The following CLVS1 variants were observed in gnomAD, a reference collection of about 807,000 sequenced individuals.
The protein encoded by CLVS1 is clavesin 1.
In CLVS1, 10 loss-of-function variants were observed where a neutral mutation model predicts 33.1. The ratio of observed to expected loss-of-function variants is 0.30; its 90% CI spans 0.19 to 0.51. The LOEUF is 0.51. Ranked by LOEUF, CLVS1 falls within the 20% of genes least tolerant of loss-of-function variation. The pLI, the probability that CLVS1 is intolerant of heterozygous loss-of-function variation, is 0.97. For missense variants in CLVS1, 343 were observed against 433.4 expected (o/e 0.79, Z 1.85); for synonymous variants, 163 against 166.1 (o/e 0.98, Z 0.14).
intron 5 of CLVS1, among the ~76,000 whole-genome samples, chr8:61,485,356 A>G (rs996565660): frequency 6.6e-6 from 1 of 152,224 alleles, no homozygotes; most frequent in Non-Finnish European, 1.5e-5. Flanking sequence ...GCTCATCATC[A>G]CTGGCCATCA....
At chr8:61,204,350 C>A (rs756132202) in intron 2 of CLVS1, among the ~76,000 whole-genome samples, 2 of 152,204 alleles carry the variant, frequency 1.3e-5, no homozygotes, top group African/African-American at 2.4e-5. Context: ...AGAGAGACTG[C>A]TTTTGCATTG....
chr8:61,059,580 G>C (rs544822950), intron 1 of CLVS1, among the ~76,000 whole-genome samples: 1 of 148,998 alleles, frequency 6.7e-6, no homozygotes, highest in Admixed American at 6.7e-5. Context: ...GGAGGCCAAG[G>C]CAAGTGGATC....
intron 2 of CLVS1, among the ~76,000 whole-genome samples, chr8:61,184,645 T>C (rs559465076): frequency 1.3e-5 from 2 of 152,096 alleles, no homozygotes; most frequent in African/African-American, 2.4e-5. Flanking sequence ...AAACGGAAAC[T>C]GAATTTCCTC....
chr8:61,379,342 T>C, intron 3 of CLVS1, among the ~76,000 whole-genome samples: 1 of 152,266 alleles, frequency 6.6e-6, no homozygotes, highest in Non-Finnish European at 1.5e-5. Context: ...CTCTGGAGAA[T>C]TTTGGGCCTT....
At chr8:60,972,159 A>G in the CLVS1 span, among the ~76,000 whole-genome samples, 1 of 151,532 alleles carries the variant, frequency 6.6e-6, no homozygotes, top group Non-Finnish European at 1.5e-5. Context: ...ATGCTGTCTC[A>G]CCCATTAGGG....
intron 2 of CLVS1, among the ~76,000 whole-genome samples, chr8:61,160,605 C>G (rs1248237286): frequency 7.0e-6 from 1 of 142,374 alleles, no homozygotes; most frequent in Non-Finnish European, 1.6e-5. Flanking sequence ...TCTAAATTAC[C>G]TCTTCTTGTT....
At chr8:61,195,299 G>GGA (rs138426810) in intron 2 of CLVS1, among the ~76,000 whole-genome samples, 35 of 150,620 alleles carry the variant, frequency 2.3e-4, no homozygotes, top group Non-Finnish European at 3.3e-4. Flanking sequence ...AGAGATTGGG[G>GGA]GAGAGAGAGA....
At chr8:61,479,947 T>C (rs371735040) in intron 5 of CLVS1, among the ~76,000 whole-genome samples, 2 of 152,214 alleles carry the variant, frequency 1.3e-5, no homozygotes, top group African/African-American at 4.8e-5. Flanking sequence ...CCTGGAAGTT[T>C]TGTCTCAGAG....
At chr8:61,173,880 G>A (rs745895459) in intron 2 of CLVS1, among the ~76,000 whole-genome samples, 4 of 152,158 alleles carry the variant, frequency 2.6e-5, no homozygotes, top group African/African-American at 4.8e-5. Flanking sequence ...AAGGATTAGA[G>A]GTAATAGTGT....
chr8:61,449,646 G>A (rs185389102), intron 3 of CLVS1, among the ~76,000 whole-genome samples: 2 of 152,258 alleles, frequency 1.3e-5, no homozygotes, highest in East Asian at 3.9e-4. Context: ...TCATTAAAGA[G>A]CAGCCTTTTT....
chr8:61,303,335 A>G (rs561618444), intron 2 of CLVS1, among the ~76,000 whole-genome samples: 1 of 152,322 alleles, frequency 6.6e-6, no homozygotes, highest in South Asian at 2.1e-4. Context: ...CCTCAAACAA[A>G]TTACTTCACC....
chr8:61,316,916 G>A (rs1374802163), intron 2 of CLVS1, among the ~76,000 whole-genome samples: 2 of 152,104 alleles, frequency 1.3e-5, no homozygotes, highest in Admixed American at 1.3e-4. Context: ...ACCTCTAAGG[G>A]TTGTATTGAG....
intron 3 of CLVS1, among the ~76,000 whole-genome samples, chr8:61,392,149 C>T (rs890375342): frequency 6.6e-5 from 10 of 151,964 alleles, no homozygotes; most frequent in African/African-American, 1.9e-4. Flanking sequence ...GGCAAGATGG[C>T]GAGACTCCAT....
intron 1 of CLVS1, among the ~76,000 whole-genome samples, chr8:61,099,972 G>A (rs1028808426): frequency 1.3e-5 from 2 of 152,142 alleles, no homozygotes; most frequent in Non-Finnish European, 2.9e-5. Flanking sequence ...AGAAAAGAGG[G>A]TGATAAATTA....
chr8:61,283,624 T>C (rs145758804), upstream of CLVS1, among the ~76,000 whole-genome samples: 1 of 152,336 alleles, frequency 6.6e-6, no homozygotes, highest in East Asian at 1.9e-4. Flanking sequence ...GATAGAACTT[T>C]CCTGAGTCTG....
intron 5 of CLVS1, chr8:61,458,767 A>G: frequency 2.4e-6 from 1 of 411,508 alleles, no homozygotes. Flanking sequence ...GTTAAAGGCT[A>G]GGACTTCACT....
the CLVS1 span, among the ~76,000 whole-genome samples, chr8:61,006,614 C>T: frequency 6.6e-6 from 1 of 152,188 alleles, no homozygotes; most frequent in Non-Finnish European, 1.5e-5. Flanking sequence ...GAAATGCTAA[C>T]GTGCAATGTG....
chr8:61,261,327 G>T (rs1307757437), intron 2 of CLVS1, among the ~76,000 whole-genome samples: 5 of 152,158 alleles, frequency 3.3e-5, no homozygotes, highest in African/African-American at 1.2e-4. Flanking sequence ...ATCTCAAATG[G>T]GTTTACTATC....
At chr8:61,467,280 C>T (rs542683208) in intron 5 of CLVS1, among the ~76,000 whole-genome samples, 3 of 152,190 alleles carry the variant, frequency 2.0e-5, no homozygotes, top group African/African-American at 7.2e-5. Context: ...TGGCGGGTGC[C>T]CTTGCAGCAG....
Sources: allele counts gnomAD v4.1 joint callset (sites outside exome capture counted in the v4.1 genomes callset), GRCh38; gene constraint gnomAD v4.1.1; transcripts MANE v1.5; gene names NCBI Gene and HGNC (gene_info 2026-07-23, HGNC 2026-07-21).